Variants in ASTN2 observed in about 807,000 individuals in gnomAD.
ASTN2 encodes the protein astrotactin 2, also known as astrotactin-2.
Under a neutral mutation model 139.8 loss-of-function variants are expected in ASTN2, and 54 were observed. The observed-to-expected ratio is 0.39, with a 90% confidence interval of 0.31 to 0.48. ASTN2 has a LOEUF of 0.48. Ranked by LOEUF, ASTN2 falls within the 20% of genes least tolerant of loss-of-function variation. ASTN2 has a pLI of 0.95. For missense variants in ASTN2, 1,565 were observed against 1,725.1 expected, an observed-to-expected ratio of 0.91 and a Z score of 1.64; for synonymous variants, 756 against 719.5, an observed-to-expected ratio of 1.05 and a Z score of -0.81.
intron 16 of ASTN2, among the ~76,000 whole-genome samples, chr9:116,724,311 A>C (rs1828555778): frequency 6.6e-6 from 1 of 152,186 alleles, no homozygotes; most frequent in African/African-American, 2.4e-5. Flanking sequence ...ACAGCCATAA[A>C]ACGGAGCTAT....
At chr9:117,003,562 T>C (rs1837256547) in intron 7 of ASTN2, among the ~76,000 whole-genome samples, 1 of 150,444 alleles carries the variant, frequency 6.6e-6, no homozygotes, top group East Asian at 2.0e-4. Context: ...TGTATTTAAA[T>C]CTAGAGGCTA....
At chr9:117,400,633 C>T (rs1337352973) in intron 1 of ASTN2, among the ~76,000 whole-genome samples, 2 of 152,164 alleles carry the variant, frequency 1.3e-5, no homozygotes, top group African/African-American at 4.8e-5. Flanking sequence ...ACTCTAGTCG[C>T]ACCTGGGTTC....
At chr9:116,865,105 A>G (rs1165990528) in intron 10 of ASTN2, among the ~76,000 whole-genome samples, 2 of 152,162 alleles carry the variant, frequency 1.3e-5, no homozygotes, top group Non-Finnish European at 2.9e-5. Context: ...GAATCTCTGA[A>G]AACAGGTTCT....
chr9:117,035,420 G>A (rs7032453), intron 6 of ASTN2, among the ~76,000 whole-genome samples: 18,477 of 152,082 alleles, frequency 0.12, 1,652 homozygotes, highest in East Asian at 0.45. Flanking sequence ...AATGCTAACG[G>A]ATGACATGGG....
At chr9:116,922,835 T>C (rs1375091545) in intron 10 of ASTN2, among the ~76,000 whole-genome samples, 1 of 152,164 alleles carries the variant, frequency 6.6e-6, no homozygotes, top group Non-Finnish European at 1.5e-5. Flanking sequence ...AATATGTACT[T>C]TGGGGTGGGC....
chr9:117,042,714 G>A (rs967515613), intron 5 of ASTN2, among the ~76,000 whole-genome samples: 7 of 152,030 alleles, frequency 4.6e-5, no homozygotes, highest in Middle Eastern at 3.4e-3. Flanking sequence ...TAACATCAAC[G>A]TTATCTACTA....
At chr9:117,081,475 C>T (rs1047676026) in intron 5 of ASTN2, among the ~76,000 whole-genome samples, 5 of 152,206 alleles carry the variant, frequency 3.3e-5, no homozygotes, top group Non-Finnish European at 5.9e-5. Context: ...AACATTCCCA[C>T]CCCCTGCACA....
chr9:116,838,589 A>ATTTTT (rs34871450), intron 11 of ASTN2, among the ~76,000 whole-genome samples: 1 of 130,140 alleles, frequency 7.7e-6, no homozygotes. Flanking sequence ...ATGCCCAGCA[A>ATTTTT]TTTTTTTTTT....
At chr9:116,890,182 G>A (rs1055506854) in intron 10 of ASTN2, among the ~76,000 whole-genome samples, 3 of 152,190 alleles carry the variant, frequency 2.0e-5, no homozygotes, top group Admixed American at 6.5e-5. Context: ...TGGTATTGGA[G>A]AGCCTGTCTA....
At chr9:116,737,429 A>G (rs930500546) in intron 13 of ASTN2, among the ~76,000 whole-genome samples, 1 of 151,600 alleles carries the variant, frequency 6.6e-6, no homozygotes, top group African/African-American at 2.4e-5. Context: ...GTGCTCAGGA[A>G]TAATTCAGAT....
chr9:117,117,637 A>C (rs1351900589), intron 4 of ASTN2, among the ~76,000 whole-genome samples: 3 of 152,132 alleles, frequency 2.0e-5, no homozygotes, highest in African/African-American at 7.2e-5. Flanking sequence ...CCCCTACCCC[A>C]TGGTACTGCA....
chr9:116,828,630 C>A lies in ASTN2; in HGVS notation c.2041-7847G>T, dbSNP rs528594773. On this transcript the variant is annotated intron_variant, in intron 11 of 22. Transcript: ENST00000313400. ...TCTTACTGGGGAAAAAAAAGCATTT[C>A]CTCTAAGAACTAGAACAAGACAAAG... 2.0e-5 allele frequency among the ~76,000 whole-genome samples: 3 copies of A among 152,258 alleles called. No homozygotes were observed. In the East Asian group the frequency reaches 5.8e-4, roughly 29 times the overall value.
chr9:116,656,942 A>G (rs1858253703), intron 16 of ASTN2, among the ~76,000 whole-genome samples: 1 of 152,234 alleles, frequency 6.6e-6, no homozygotes, highest in African/African-American at 2.4e-5. Flanking sequence ...TAAAAGCTCC[A>G]TAGGGACCAG....
Position 117,207,862 on chromosome 9 carries a change from C to T in ASTN2, c.1015+6496G>A, listed in dbSNP as rs140591979. 1.4e-3 allele frequency among the ~76,000 whole-genome samples: 215 copies of T among 152,288 alleles called. 6 individuals are homozygous for T. In the East Asian group the frequency reaches 0.035, roughly 25 times the overall value. On this transcript the variant is annotated intron_variant, in intron 3 of 22. Coordinates refer to ENST00000313400, the MANE Select transcript of ASTN2 (RefSeq NM_001365068.1). ...CCACCATCACCACAAACTCTCTCAG[C>T]CTAGGTCACTGAGTATCTTACAAAT...
intron 1 of ASTN2, among the ~76,000 whole-genome samples, chr9:117,292,977 A>G (rs1210448548): frequency 6.6e-6 from 1 of 152,132 alleles, no homozygotes; most frequent in Non-Finnish European, 1.5e-5. Context: ...AGTGTTTAGC[A>G]CTTAATAAGG....
chr9:116,736,611 T>C (rs1014100598), intron 13 of ASTN2, among the ~76,000 whole-genome samples: 8 of 152,220 alleles, frequency 5.3e-5, no homozygotes, highest in African/African-American at 1.9e-4. Flanking sequence ...CCCCAGGCTC[T>C]GTTCTCTATG....
At chr9:117,060,457 A>AAGG (rs1839241345) in intron 5 of ASTN2, among the ~76,000 whole-genome samples, 1 of 61,422 alleles carries the variant, frequency 1.6e-5, no homozygotes, top group African/African-American at 8.7e-5. Flanking sequence ...AGAAAGAAAG[A>AAGG]AAGGAAGGAA....
At chr9:117,217,085 T>C (rs1832347286) in intron 2 of ASTN2, among the ~76,000 whole-genome samples, 1 of 152,076 alleles carries the variant, frequency 6.6e-6, no homozygotes, top group South Asian at 2.1e-4. Context: ...AGCCCTTGGT[T>C]ACTGAACGGC....
At position 116,873,474 on chromosome 9, in the gene ASTN2, G is replaced by A. The variant is rs557138705; in HGVS notation, c.1890-9741C>T. The stretch of plus-strand genomic sequence containing the variant: ...GCCATTTTCCTGGGATAGTTGTGGC[G>A]GGAGTCAGGCCTCCAGTGCAGAGGG... On this transcript the variant is annotated intron_variant, in intron 10 of 22. Coordinates refer to ENST00000313400, the MANE Select transcript of ASTN2 (RefSeq NM_001365068.1). 2.7e-4 allele frequency among the ~76,000 whole-genome samples: 41 copies of A among 152,272 alleles called. 1 individual carries two copies. In the South Asian group the frequency reaches 6.8e-3, roughly 25 times the overall value.
Sources: allele counts gnomAD v4.1 joint callset (sites outside exome capture counted in the v4.1 genomes callset), GRCh38; gene constraint gnomAD v4.1.1; transcripts MANE v1.5; gene names NCBI Gene and HGNC (gene_info 2026-07-23, HGNC 2026-07-21).